Variants in GALNTL5 observed in about 807,000 individuals in gnomAD.
GALNTL5 encodes polypeptide N-acetylgalactosaminyltransferase like 5.
A neutral mutation model predicts 51.0 loss-of-function variants in GALNTL5; 44 were observed. That is an observed-to-expected ratio of 0.86 (90% CI 0.68 to 1.11). The LOEUF is 1.11. GALNTL5 is among the 50% of genes least tolerant of loss of function. GALNTL5 has a pLI of 0.00. For synonymous variants in GALNTL5, 192 were observed against 182.8 expected (o/e 1.05, Z -0.41); for missense variants, 528 against 531.8 (o/e 0.99, Z 0.07).
chr7:151,971,108 T>TAGAC lies in GALNTL5; in HGVS notation c.368+46_368+47insCAGA, dbSNP rs762472071. On this transcript the variant is annotated intron_variant, in intron 3 of 8. Coordinates refer to ENST00000392800, the MANE Select transcript of GALNTL5 (RefSeq NM_145292.4). The stretch of plus-strand genomic sequence containing the variant: ...TTCTCTCATTCTCTAGATAGATAGA[T>TAGAC]AGATAGATAGATAGATAGATAGATA... The TAGAC allele has an allele frequency of 2.7e-5, 32 of 1,168,732 alleles. No individual in the cohort carries two copies. In the Middle Eastern group the frequency reaches 7.6e-4, roughly 28 times the overall value. 72.4% of individuals were successfully genotyped at this position (1,168,732 alleles called of 1,614,324 possible). A position where few individuals can be genotyped will look rare whatever the true frequency, so the allele number is the denominator to read the frequency against.
chr7:151,987,864 A>T (rs983898634), intron 5 of GALNTL5, among the ~76,000 whole-genome samples: 1 of 152,192 alleles, frequency 6.6e-6, no homozygotes, highest in Admixed American at 6.5e-5. Context: ...GCCCCATTGC[A>T]AAGGCTGCCC....
At chr7:151,965,321 C>T (rs1030449496) in intron 1 of GALNTL5, among the ~76,000 whole-genome samples, 7 of 152,310 alleles carry the variant, frequency 4.6e-5, no homozygotes, top group South Asian at 4.1e-4. Context: ...TTCCCTCTAC[C>T]GCTCTCTTTT....
rs77735767 is a variant in GALNTL5, at chr7:151,967,625, T to C, written c.247+132T>C. The C allele has an allele frequency of 2.8e-3, 1,713 of 604,428 alleles. 23 individuals are homozygous for C. Among genetic ancestry groups the C allele is most frequent in the African/African-American group, 0.027 (1,480 of 54,440 alleles). 37.4% of individuals were successfully genotyped at this position (604,428 alleles called of 1,614,324 possible). Reference sequence around the variant, plus strand: ...TTAAGATATAAATTATTTTATATAGTGTATATATCTATACATAGAAAATAA... The same window carrying C: ...TTAAGATATAAATTATTTTATATAGCGTATATATCTATACATAGAAAATAA... On this transcript the variant is annotated intron_variant, in intron 2 of 8. Transcript: ENST00000392800.
At chr7:152,003,905 C>G (rs1190978692) in intron 6 of GALNTL5, among the ~76,000 whole-genome samples, 5 of 152,026 alleles carry the variant, frequency 3.3e-5, no homozygotes, top group African/African-American at 4.8e-5. Context: ...TATTTATTTG[C>G]TAAATGGTAA....
intron 1 of GALNTL5, among the ~76,000 whole-genome samples, chr7:151,959,734 G>A (rs2080969327): frequency 1.3e-5 from 2 of 152,186 alleles, no homozygotes; most frequent in African/African-American, 4.8e-5. Context: ...TTCCCACACA[G>A]GCTAAGTTGT....
intron 1 of GALNTL5, among the ~76,000 whole-genome samples, chr7:151,958,919 C>A (rs952230504): frequency 4.6e-5 from 7 of 152,126 alleles, no homozygotes. Context: ...TGGATAGTCC[C>A]AACATGGGGC....
intron 1 of GALNTL5, 28 bp from the exon 2 acceptor site, chr7:151,967,180 C>A: frequency 7.0e-7 from 1 of 1,419,914 alleles, no homozygotes; most frequent in Non-Finnish European, 9.7e-7. Context: ...ATATCTAATG[C>A]TGCTCCTCTT....
chr7:152,012,394 AC>A (rs746787538), intron 7 of GALNTL5, among the ~76,000 whole-genome samples: 10 of 152,174 alleles, frequency 6.6e-5, no homozygotes, highest in Non-Finnish European at 1.2e-4. Flanking sequence ...AAACAAACAA[AC>A]AAAAAAACAA....
At chr7:151,971,208 A>G (rs373360490) in intron 3 of GALNTL5, 143 bp downstream of exon 3, 1 of 638,320 alleles carries the variant, frequency 1.6e-6, no homozygotes, top group African/African-American at 1.9e-5. Flanking sequence ...TATTTTTAGG[A>G]CTTGAAGTCA....
At chr7:152,011,076 T>C (rs1253815500) in intron 7 of GALNTL5, among the ~76,000 whole-genome samples, 1 of 152,168 alleles carries the variant, frequency 6.6e-6, no homozygotes, top group Non-Finnish European at 1.5e-5. Context: ...AGAGGTTGAG[T>C]AACTTGCCCA....
rs931169481 is a variant in GALNTL5, at chr7:151,982,199, G to C, written c.369-787G>C. 9.9e-5 allele frequency among the ~76,000 whole-genome samples: 15 copies of C among 152,098 alleles called. No individual in the cohort carries two copies. In the South Asian group the frequency reaches 3.1e-3, roughly 32 times the overall value. On this transcript the variant is annotated intron_variant, in intron 3 of 8. Transcript: ENST00000392800. ...AGGCTGAGGCAGGTGGATCACCTGA[G>C]GTCGGGAGCTCAAGACCAGCCTGGC...
chr7:152,017,420 C>T (rs984386723), intron 8 of GALNTL5, among the ~76,000 whole-genome samples: 53 of 152,212 alleles, frequency 3.5e-4, no homozygotes, highest in African/African-American at 9.9e-4. Context: ...AACTTCATCA[C>T]GTGGTACATG....
Position 151,971,005 on chromosome 7 carries a change from A to G in GALNTL5, c.308A>G (p.Asn103Ser), listed in dbSNP as rs777043431. ...LHKELLKYGF[N>S]VIISRSLGIE... The stretch of plus-strand genomic sequence containing the variant: ...AAAGAACTTTTAAAATATGGATTTA[A>G]TGTGATTATCAGTAGAAGCTTGGGC... Residue 103 changes from asparagine to serine, a missense_variant, in exon 3 of 9, where the codon AAT becomes AGT. Physicochemically the swap from Asn to Ser is conservative, Grantham distance 46. Coordinates refer to ENST00000392800, the MANE Select transcript of GALNTL5 (RefSeq NM_145292.4). 4 of 1,609,888 alleles carry G rather than the reference A, an allele frequency of 2.5e-6. No individual in the cohort carries two copies. Among genetic ancestry groups the G allele is most frequent in the Admixed American group, 1.7e-5 (1 of 59,874 alleles).
chr7:151,983,469 C>T (rs746881547), intron 4 of GALNTL5, among the ~76,000 whole-genome samples: 6 of 152,130 alleles, frequency 3.9e-5, no homozygotes, highest in African/African-American at 9.7e-5. Context: ...TGAGCCACGA[C>T]GCCTGACCAT....
intron 1 of GALNTL5, among the ~76,000 whole-genome samples, chr7:151,962,947 G>A (rs1020611963): frequency 5.3e-5 from 8 of 152,030 alleles, no homozygotes; most frequent in Non-Finnish European, 7.4e-5. Context: ...ATTGCCATTT[G>A]CAATCCACAG....
At chr7:151,996,007 T>C (rs1305857780) in intron 5 of GALNTL5, among the ~76,000 whole-genome samples, 1 of 152,150 alleles carries the variant, frequency 6.6e-6, no homozygotes, top group Non-Finnish European at 1.5e-5. Context: ...GGATGTAGCT[T>C]ACAAACAAAA....
intron 3 of GALNTL5, among the ~76,000 whole-genome samples, chr7:151,975,411 T>C (rs897127752): frequency 2.6e-5 from 4 of 152,148 alleles, no homozygotes; most frequent in African/African-American, 9.6e-5. Context: ...ATATCAATTA[T>C]GTCTCTTCTT....
rs763171572 is a variant in GALNTL5, at chr7:152,014,727, T to C, written c.1110T>C (p.Ser370=). 6.2e-7 allele frequency: 1 copy of C among 1,614,058 alleles called. No homozygotes were observed. ...HISKKQTGKP[S]TIISAMTHNY... ...GTAAGAAACAAACTGGAAAACCTTCTACAATCATCAGTGCTATGACACATA... is the reference window on the plus strand; with the variant it reads ...GTAAGAAACAAACTGGAAAACCTTCCACAATCATCAGTGCTATGACACATA... Residue 370 remains serine, a synonymous_variant, in exon 8 of 9, where the codon TCT becomes TCC. Coordinates refer to ENST00000392800, the MANE Select transcript of GALNTL5 (RefSeq NM_145292.4).
intron 5 of GALNTL5, among the ~76,000 whole-genome samples, chr7:151,998,160 A>G (rs1387648195): frequency 1.3e-5 from 2 of 152,312 alleles, no homozygotes. Flanking sequence ...AGTGAGCTAT[A>G]ATAGCACCAC....
Sources: gnomAD v4.1 joint callset for allele counts (sites outside exome capture counted in the v4.1 genomes callset) on GRCh38, gnomAD v4.1.1 for gene constraint, MANE v1.5 for transcripts, NCBI Gene and HGNC (gene_info 2026-07-23, HGNC 2026-07-21) for gene names.